RAP1GAP2: variants seen among roughly 807,000 people sequenced by gnomAD.
RAP1GAP2 encodes rap1 GTPase-activating protein 2.
A neutral mutation model predicts 95.0 loss-of-function variants in RAP1GAP2; 27 were observed. The observed-to-expected ratio is 0.28, with a 90% CI of 0.21 to 0.39. RAP1GAP2 has a LOEUF of 0.39. Among genes scored for constraint, RAP1GAP2 ranks in the 10% least tolerant of loss-of-function variants. The pLI, the probability that RAP1GAP2 is intolerant of heterozygous loss-of-function variation, is 1.00. For missense variants in RAP1GAP2, 771 were observed against 970.0 expected (o/e 0.79, Z 2.72); for synonymous variants, 373 against 380.9 (o/e 0.98, Z 0.24).
chr17:2,977,141 AAAAAG>A (rs1429257842), intron 8 of RAP1GAP2, among the ~76,000 whole-genome samples: 3 of 151,888 alleles, frequency 2.0e-5, no homozygotes, highest in Admixed American at 6.6e-5. Context: ...AAAAAAAGAA[AAAAAG>A]AAAAGAAAAG....
At chr17:2,931,912 C>T (rs1014593110) in intron 3 of RAP1GAP2, among the ~76,000 whole-genome samples, 1 of 152,138 alleles carries the variant, frequency 6.6e-6, no homozygotes, top group Non-Finnish European at 1.5e-5. Context: ...TCAGGCACAT[C>T]AGAAGCACAA....
At chr17:2,912,807 A>G (rs1351707839) in intron 3 of RAP1GAP2, among the ~76,000 whole-genome samples, 1 of 152,124 alleles carries the variant, frequency 6.6e-6, no homozygotes, top group Non-Finnish European at 1.5e-5. Context: ...GGAAGTTCAC[A>G]TCTGATTTAA....
intron 2 of RAP1GAP2, among the ~76,000 whole-genome samples, chr17:2,846,627 T>C (rs1236330301): frequency 6.6e-6 from 1 of 152,016 alleles, no homozygotes; most frequent in Non-Finnish European, 1.5e-5. Flanking sequence ...TGCAAGTCTT[T>C]GTGTAGAGCA....
Position 3,029,446 on chromosome 17 carries a change from T to TG in RAP1GAP2, c.2108-1470dup. Among the ~76,000 whole-genome samples, 1 of 152,116 alleles carries TG rather than the reference T, an allele frequency of 6.6e-6. No homozygotes were observed. Among genetic ancestry groups the TG allele is most frequent in the East Asian group, 1.9e-4 (1 of 5,172 alleles). On this transcript the variant is annotated intron_variant, in intron 22 of 24. Transcript: ENST00000254695. This position sits in a 1 kb window ranked among gnomAD's most constrained non-coding sequence, Gnocchi z 4.4. ...GGTACCCACTGGATCAGGGTGGGCT[T>TG]GGGGGGATCTGGGAACCGGTTTCAT... is the stretch of plus-strand genomic sequence containing the variant.
chr17:2,899,065 T>A (rs1476806860), intron 2 of RAP1GAP2, among the ~76,000 whole-genome samples: 1 of 151,512 alleles, frequency 6.6e-6, no homozygotes, highest in Admixed American at 6.6e-5. Context: ...TCACACAGCA[T>A]GTGGCCTTTT....
intron 1 of RAP1GAP2, among the ~76,000 whole-genome samples, chr17:2,784,144 T>C (rs1344222461): frequency 6.6e-6 from 1 of 151,992 alleles, no homozygotes; most frequent in African/African-American, 2.4e-5. Flanking sequence ...GGCTAATTTT[T>C]TGTATTTTTA....
intron 1 of RAP1GAP2, among the ~76,000 whole-genome samples, chr17:2,784,558 A>C (rs899560687): frequency 2.0e-5 from 3 of 152,232 alleles, no homozygotes; most frequent in Non-Finnish European, 2.9e-5. Flanking sequence ...GGCGTGAGCC[A>C]CCGCGCCCGG....
rs143645981 is a variant in RAP1GAP2 at position 2,875,537 on chromosome 17, T to C, written c.81-29747T>C. On this transcript the variant is annotated intron_variant, in intron 2 of 24. Transcript: ENST00000254695. ...GTGGCATCAGTTAGTTTAGGGCTCA[T>C]GTAGCAAGTGGCTTCAAGAAGTGAT... 3.0e-3 allele frequency among the ~76,000 whole-genome samples: 453 copies of C among 152,282 alleles called. 1 individual carries two copies. Among genetic ancestry groups the C allele is most frequent in the Middle Eastern group, 0.027 (8 of 294 alleles).
At chr17:2,993,880 T>C (rs1597820611) in intron 12 of RAP1GAP2, among the ~76,000 whole-genome samples, 1 of 151,632 alleles carries the variant, frequency 6.6e-6, no homozygotes, top group Non-Finnish European at 1.5e-5. Flanking sequence ...AACAAAAATT[T>C]GAAAAATTAT....
chr17:2,899,630 C>A (rs558102294), intron 2 of RAP1GAP2, among the ~76,000 whole-genome samples: 10 of 152,262 alleles, frequency 6.6e-5, no homozygotes, highest in South Asian at 6.2e-4. Flanking sequence ...CCTGCCTCAG[C>A]CTCCTTAGTA....
chr17:2,868,518 T>G (rs1428223297), intron 2 of RAP1GAP2, among the ~76,000 whole-genome samples: 1 of 39,116 alleles, frequency 2.6e-5, no homozygotes, highest in Non-Finnish European at 7.6e-5. Context: ...CAGGTGCAAT[T>G]TTTTTTTTTT....
In RAP1GAP2 at chr17:2,952,612, T is replaced by A. The variant is rs529769671; in HGVS notation, c.166-5147T>A. 9.2e-5 allele frequency among the ~76,000 whole-genome samples: 14 copies of A among 152,312 alleles called. No individual in the cohort carries two copies. In the East Asian group the frequency reaches 2.7e-3, roughly 29 times the overall value. On this transcript the variant is annotated intron_variant, in intron 3 of 24. Transcript: ENST00000254695. ...TGCAGACTGGACACAGTGGCTGTAC[T>A]GTTTCTCATTCCTGCCAGCTATATG...
At chr17:2,908,093 C>T (rs2042260956) in intron 3 of RAP1GAP2, among the ~76,000 whole-genome samples, 1 of 152,186 alleles carries the variant, frequency 6.6e-6, no homozygotes, top group African/African-American at 2.4e-5. Flanking sequence ...TCGTGAGCCA[C>T]CACGCCTGGC....
intron 17 of RAP1GAP2, 40 bp from the exon 18 acceptor site, chr17:3,018,021 C>A: frequency 1.3e-6 from 2 of 1,548,966 alleles, no homozygotes; most frequent in Admixed American, 2.0e-5. Context: ...ATCCGGAGAG[C>A]CCGGGTGCTG....
intron 17 of RAP1GAP2, among the ~76,000 whole-genome samples, chr17:3,014,283 C>T (rs1158455143): frequency 1.3e-5 from 2 of 152,216 alleles, no homozygotes; most frequent in Non-Finnish European, 2.9e-5. Context: ...AGCTGTGCAG[C>T]AGGTTCCTTT....
At position 2,943,480 on chromosome 17, in the gene RAP1GAP2, C is replaced by T. The variant is rs2043582231; in HGVS notation, c.166-14279C>T. Among the ~76,000 whole-genome samples the T allele has an allele frequency of 2.6e-5, 4 of 151,738 alleles. No homozygotes were observed. The South Asian group carries it at 8.3e-4, about 32-fold the overall frequency. On this transcript the variant is annotated intron_variant, in intron 3 of 24. Transcript: ENST00000254695. ...CTGAGGTCAGGAGTTCAAGACCAGG[C>T]TGGCCAACATGGTGAAATCCTGTCT...
intron 1 of RAP1GAP2, among the ~76,000 whole-genome samples, chr17:2,758,118 C>G (rs1022759357): frequency 9.3e-5 from 14 of 150,184 alleles, no homozygotes; most frequent in African/African-American, 3.5e-4. Context: ...ATCCGCCCGC[C>G]TTGGCCTCTC....
chr17:2,755,907 G>A, intron 1 of RAP1GAP2: 1 of 283,554 alleles, frequency 3.5e-6, no homozygotes, highest in Non-Finnish European at 6.6e-6. Flanking sequence ...AGGGGCGCCG[G>A]CTGCCTGGTC....
chr17:2,800,779 G>A (rs2069254693), intron 2 of RAP1GAP2, among the ~76,000 whole-genome samples: 1 of 151,958 alleles, frequency 6.6e-6, no homozygotes, highest in Admixed American at 6.6e-5. Flanking sequence ...TAGAATGGTG[G>A]GAGTGTGTGT....
Sources: allele counts gnomAD v4.1 joint callset (sites outside exome capture counted in the v4.1 genomes callset), GRCh38; gene constraint gnomAD v4.1.1; non-coding constraint Gnocchi (gnomAD v3.1); transcripts MANE v1.5; gene names NCBI Gene and HGNC (gene_info 2026-07-23, HGNC 2026-07-21).